PAN3: variants seen among roughly 807,000 people sequenced by gnomAD.
The protein encoded by PAN3 is poly(A) specific ribonuclease subunit PAN3, also known as PAN2-PAN3 deadenylation complex subunit PAN3.
PAN3 carries 19 observed loss-of-function variants against 96.2 expected under a neutral mutation model. The observed-to-expected ratio is 0.20, with a 90% CI of 0.14 to 0.29. PAN3 has a LOEUF of 0.29. Among genes scored for constraint, PAN3 ranks in the 10% least tolerant of loss-of-function variants. The pLI is 1.00. For synonymous variants in PAN3, 433 were observed against 406.6 expected, an observed-to-expected ratio of 1.06 and a Z score of -0.78; for missense variants, 882 against 1,108.1, an observed-to-expected ratio of 0.80 and a Z score of 2.90.
At chr13:28,189,070 CT>C (rs1207413425) in intron 4 of PAN3, among the ~76,000 whole-genome samples, 1 of 152,196 alleles carries the variant, frequency 6.6e-6, no homozygotes, top group Admixed American at 6.5e-5. Context: ...ACCTTCTGTT[CT>C]TTCCTTTGAC....
intron 17 of PAN3, among the ~76,000 whole-genome samples, chr13:28,281,753 CTATTAAA>C (rs533417804): frequency 0.013 from 1,845 of 145,098 alleles, 19 homozygotes; most frequent in Non-Finnish European, 0.02. Context: ...CTCTTACCTT[CTATTAAA>C]GCACACTTTT....
Position 28,281,311 on chromosome 13 carries a change from A to G in PAN3, c.2320-4A>G. On this transcript the variant is annotated splice_polypyrimidine_tract_variant and splice_region_variant and intron_variant, in intron 16 of 18. Transcript: ENST00000380958. ...CATTTTTCTCTTTTTAAAATGTTTT[A>G]TAGGAGGTTCAAAATGGAAGACTGT... 1 of 1,608,836 alleles carries G rather than the reference A, an allele frequency of 6.2e-7. No individual in the cohort carries two copies. Among genetic ancestry groups the G allele is most frequent in the Non-Finnish European group, 8.5e-7 (1 of 1,176,490 alleles).
At chr13:28,171,104 TC>T (rs1044542134) in intron 1 of PAN3, among the ~76,000 whole-genome samples, 9 of 152,190 alleles carry the variant, frequency 5.9e-5, no homozygotes, top group Non-Finnish European at 1.2e-4. Context: ...CCAAACATCT[TC>T]CTTTTAACCA....
At chr13:28,146,860 A>G (rs1870726097) in intron 1 of PAN3, among the ~76,000 whole-genome samples, 1 of 152,048 alleles carries the variant, frequency 6.6e-6, no homozygotes, top group Admixed American at 6.6e-5. Flanking sequence ...CTGTAGTCCC[A>G]GTTACTAGGG....
chr13:28,267,415 G>T lies in PAN3; in HGVS notation c.1792+14G>T, dbSNP rs1886269559. Reference sequence around the variant, plus strand: ...AGAGAAAGTGGGGTAAGAAAAAGATGCAGGCAAACTATATTTTGACTAATG... The same window carrying T: ...AGAGAAAGTGGGGTAAGAAAAAGATTCAGGCAAACTATATTTTGACTAATG... On this transcript the variant is annotated intron_variant, in intron 12 of 18. Coordinates refer to ENST00000380958, the MANE Select transcript of PAN3 (RefSeq NM_175854.8). The T allele has an allele frequency of 6.3e-7, 1 of 1,582,578 alleles. No homozygotes were observed. Among genetic ancestry groups the T allele is most frequent in the Non-Finnish European group, 8.7e-7 (1 of 1,151,750 alleles).
chr13:28,290,758 C>T (rs1252076150), intron 18 of PAN3, among the ~76,000 whole-genome samples: 2 of 152,158 alleles, frequency 1.3e-5, no homozygotes, highest in East Asian at 3.9e-4. Flanking sequence ...TTTATTTTCC[C>T]TTTATTTATG....
At chr13:28,289,596 AAAAGG>A (rs1265525541) in intron 18 of PAN3, among the ~76,000 whole-genome samples, 3 of 151,938 alleles carry the variant, frequency 2.0e-5, no homozygotes, top group African/African-American at 7.2e-5. Flanking sequence ...AAAGGTTGGG[AAAAGG>A]CTAGGCGCAG....
At chr13:28,252,498 C>G (rs1435311720) in intron 6 of PAN3, among the ~76,000 whole-genome samples, 2 of 151,992 alleles carry the variant, frequency 1.3e-5, no homozygotes, top group African/African-American at 4.8e-5. Flanking sequence ...AACAGTGATG[C>G]TTTGCCTTTA....
At chr13:28,173,993 A>G (rs1055163402) in intron 1 of PAN3, among the ~76,000 whole-genome samples, 1 of 152,234 alleles carries the variant, frequency 6.6e-6, no homozygotes, top group Non-Finnish European at 1.5e-5. Flanking sequence ...AAGAAACTGG[A>G]AATGCAAGTG....
chr13:28,193,289 T>G (rs1877519403), intron 4 of PAN3, among the ~76,000 whole-genome samples: 1 of 152,188 alleles, frequency 6.6e-6, no homozygotes, highest in Non-Finnish European at 1.5e-5. Flanking sequence ...GGCACATGTT[T>G]AGAGATCTCT....
intron 8 of PAN3, among the ~76,000 whole-genome samples, chr13:28,260,846 A>G (rs539737999): frequency 5.9e-5 from 9 of 152,320 alleles, no homozygotes; most frequent in African/African-American, 2.2e-4. Flanking sequence ...AATAATTTAA[A>G]TGGTTTCTAA....
At chr13:28,250,169 A>G (rs1037566731) in intron 6 of PAN3, among the ~76,000 whole-genome samples, 1 of 149,834 alleles carries the variant, frequency 6.7e-6, no homozygotes, top group Non-Finnish European at 1.5e-5. Flanking sequence ...TTTTTGCATA[A>G]TTGGTAGAAA....
chr13:28,277,346 A>C lies in PAN3; in HGVS notation c.2159A>C (p.Asn720Thr), dbSNP rs754825849. Residue 720 changes from asparagine (N) to threonine (T), a missense_variant, in exon 15 of 19, where the codon AAC becomes ACC. Coordinates refer to ENST00000380958, the MANE Select transcript of PAN3 (RefSeq NM_175854.8). ...AAAGCCATGGAACTGGTGACAATCA[A>C]CTATTCCTCTGACCTGAAGAATCTG... The part of the protein sequence containing the change: ...LQKAMELVTI[N>T]YSSDLKNLIL... The C allele has an allele frequency of 6.2e-7, 1 of 1,613,006 alleles. No homozygotes were observed. Among genetic ancestry groups the C allele is most frequent in the African/African-American group, 1.3e-5 (1 of 74,996 alleles).
intron 1 of PAN3, among the ~76,000 whole-genome samples, chr13:28,170,472 T>G (rs10161772): frequency 6.6e-6 from 1 of 152,132 alleles, no homozygotes; most frequent in African/African-American, 2.4e-5. Flanking sequence ...ATTCTTGGCA[T>G]GTTCAATAAT....
intron 6 of PAN3, among the ~76,000 whole-genome samples, chr13:28,234,800 A>G (rs1419733945): frequency 1.6e-4 from 24 of 152,016 alleles, no homozygotes; most frequent in Admixed American, 1.6e-3. Flanking sequence ...TTGAACAGGA[A>G]ACCTAAGGTT....
At chr13:28,257,687 T>C (rs1420544214) in intron 7 of PAN3, among the ~76,000 whole-genome samples, 1 of 134,596 alleles carries the variant, frequency 7.4e-6, no homozygotes, top group Admixed American at 8.0e-5. Flanking sequence ...TATTAAATTA[T>C]ATAAATATAT....
At chr13:28,287,291 T>G (rs1404346239) in intron 17 of PAN3, among the ~76,000 whole-genome samples, 1 of 152,252 alleles carries the variant, frequency 6.6e-6, no homozygotes, top group Non-Finnish European at 1.5e-5. Context: ...TATTTTTTCT[T>G]AATGGGAATT....
At chr13:28,234,856 A>G (rs1221054939) in intron 6 of PAN3, among the ~76,000 whole-genome samples, 2 of 152,070 alleles carry the variant, frequency 1.3e-5, no homozygotes, top group Non-Finnish European at 1.5e-5. Flanking sequence ...CTTTCATATT[A>G]TATCTATGAA....
At chr13:28,199,104 C>T (rs1878405789) in intron 5 of PAN3, among the ~76,000 whole-genome samples, 1 of 151,948 alleles carries the variant, frequency 6.6e-6, no homozygotes, top group South Asian at 2.1e-4. Flanking sequence ...TCTTTTATAT[C>T]AGTAGTGGAG....
Sources: allele counts gnomAD v4.1 joint callset (sites outside exome capture counted in the v4.1 genomes callset), GRCh38; gene constraint gnomAD v4.1.1; transcripts MANE v1.5; gene names NCBI Gene and HGNC (gene_info 2026-07-23, HGNC 2026-07-21).